Variants in IL1RAPL1 observed in about 807,000 individuals in gnomAD.
The protein encoded by IL1RAPL1 is interleukin 1 receptor accessory protein like 1.
IL1RAPL1 carries 3 observed loss-of-function variants against 48.4 expected under a neutral mutation model. The ratio of observed to expected loss-of-function variants is 0.06; its 90% CI spans 0.03 to 0.16. IL1RAPL1 has a LOEUF of 0.16. Among genes scored for constraint, IL1RAPL1 ranks in the 10% least tolerant of loss-of-function variants. IL1RAPL1 has a pLI of 1.00. For synonymous variants in IL1RAPL1, 185 were observed against 187.7 expected (o/e 0.99, Z 0.12); for missense variants, 349 against 530.6 (o/e 0.66, Z 3.36).
intron 6 of IL1RAPL1, among the ~76,000 whole-genome samples, chrX:29,855,192 G>A (rs1257928360): frequency 8.9e-6 from 1 of 111,779 alleles, no homozygotes; most frequent in African/African-American, 3.3e-5. Flanking sequence ...ATTTCTCTCA[G>A]TAGAAAGAGT....
chrX:28,958,028 G>A (rs1464588432), intron 2 of IL1RAPL1, among the ~76,000 whole-genome samples: 2 of 110,984 alleles, frequency 1.8e-5, no homozygotes, highest in Non-Finnish European at 3.8e-5. Flanking sequence ...TATTTATTGT[G>A]GACAACACGA....
intron 1 of IL1RAPL1, among the ~76,000 whole-genome samples, chrX:28,671,265 T>G (rs918137704): frequency 8.9e-6 from 1 of 112,081 alleles, no homozygotes; most frequent in Non-Finnish European, 1.9e-5. Context: ...TCCAACACAC[T>G]TGCCAGCTAA....
At chrX:29,645,905 A>G (rs931865438) in intron 5 of IL1RAPL1, among the ~76,000 whole-genome samples, 4 of 112,262 alleles carry the variant, frequency 3.6e-5, no homozygotes, top group Non-Finnish European at 5.6e-5. Context: ...GCTCAAGGGC[A>G]TAGGAACCAT....
intron 6 of IL1RAPL1, among the ~76,000 whole-genome samples, chrX:29,838,602 A>G (rs184779690): frequency 7.1e-5 from 8 of 111,932 alleles, no homozygotes; most frequent in Admixed American, 1.9e-4. Flanking sequence ...ACAAACTGCC[A>G]TGACTTATAC....
At chrX:29,311,236 A>G (rs1932719738) in intron 3 of IL1RAPL1, among the ~76,000 whole-genome samples, 1 of 112,353 alleles carries the variant, frequency 8.9e-6, no homozygotes, top group African/African-American at 3.2e-5. Flanking sequence ...TACTCAATAA[A>G]TGAACATTAC....
intron 2 of IL1RAPL1, among the ~76,000 whole-genome samples, chrX:28,886,105 C>G (rs959922481): frequency 9.1e-6 from 1 of 110,279 alleles, no homozygotes; most frequent in Non-Finnish European, 1.9e-5. Flanking sequence ...ATGATACTTA[C>G]AATACCAAAA....
chrX:28,933,988 C>T (rs1026749099), intron 2 of IL1RAPL1, among the ~76,000 whole-genome samples: 2 of 111,407 alleles, frequency 1.8e-5, no homozygotes, highest in Non-Finnish European at 3.8e-5. Context: ...AAGTCATTTT[C>T]ATTGCCATCT....
At chrX:28,714,044 A>G (rs971231217) in intron 1 of IL1RAPL1, among the ~76,000 whole-genome samples, 3 of 111,886 alleles carry the variant, frequency 2.7e-5, no homozygotes, top group African/African-American at 9.7e-5. Context: ...AAATAGGTCA[A>G]TGTTATCATT....
At chrX:28,892,993 C>T (rs893137381) in intron 2 of IL1RAPL1, among the ~76,000 whole-genome samples, 2 of 111,001 alleles carry the variant, frequency 1.8e-5, no homozygotes, top group Admixed American at 1.9e-4. Context: ...TTAAGAGTGG[C>T]GGTTTGGGGA....
At chrX:29,105,895 C>T (rs1201468531) in intron 2 of IL1RAPL1, among the ~76,000 whole-genome samples, 1 of 111,860 alleles carries the variant, frequency 8.9e-6, no homozygotes, top group African/African-American at 3.2e-5. Context: ...CACACCCTTA[C>T]AGCCTCACAT....
At chrX:28,761,404 T>C (rs1936170155) in intron 1 of IL1RAPL1, among the ~76,000 whole-genome samples, 2 of 112,091 alleles carry the variant, frequency 1.8e-5, no homozygotes, top group African/African-American at 6.5e-5. Flanking sequence ...TGGAATACTA[T>C]GGAGCCATAA....
intron 2 of IL1RAPL1, among the ~76,000 whole-genome samples, chrX:28,928,989 A>G (rs1043270193): frequency 2.2e-4 from 25 of 111,978 alleles, no homozygotes; most frequent in Admixed American, 7.6e-4. Flanking sequence ...GGGACTACCA[A>G]AGTTACTCCT....
chrX:29,485,642 A>G (rs765115492), intron 5 of IL1RAPL1, among the ~76,000 whole-genome samples: 3 of 111,242 alleles, frequency 2.7e-5, no homozygotes, highest in African/African-American at 9.8e-5. Context: ...CTTTCATGCT[A>G]TATGTACCAC....
intron 2 of IL1RAPL1, among the ~76,000 whole-genome samples, chrX:29,275,811 C>T (rs969155183): frequency 4.5e-5 from 5 of 112,119 alleles, no homozygotes; most frequent in African/African-American, 1.6e-4. Flanking sequence ...AGTTGCACAT[C>T]ATATGCGGTC....
intron 2 of IL1RAPL1, among the ~76,000 whole-genome samples, chrX:28,866,587 T>C (rs73631614): frequency 0.076 from 8,504 of 111,697 alleles, 650 homozygotes; most frequent in East Asian, 0.24. Context: ...ATGGAATCCA[T>C]TGCACTAGTG....
At chrX:29,041,306 A>G (rs1354581388) in intron 2 of IL1RAPL1, among the ~76,000 whole-genome samples, 1 of 111,571 alleles carries the variant, frequency 9.0e-6, no homozygotes, top group Non-Finnish European at 1.9e-5. Context: ...ATTTACTCTC[A>G]ACTTTATTGC....
intron 2 of IL1RAPL1, among the ~76,000 whole-genome samples, chrX:28,976,527 A>G (rs1213018538): frequency 3.6e-5 from 4 of 111,878 alleles, no homozygotes; most frequent in Non-Finnish European, 7.5e-5. Flanking sequence ...TCAGGAATTC[A>G]GTTTTTGACA....
Position 29,905,093 on chromosome X carries a change from T to C in IL1RAPL1, c.779-12371T>C, listed in dbSNP as rs777361336. On this transcript the variant is annotated intron_variant, in intron 6 of 10. Transcript: ENST00000378993. ...AATGGTGTGAGATGGTATCTCATTG[T>C]GGTTTTGATTTGCATTTCTCTAATG... 3.6e-5 allele frequency among the ~76,000 whole-genome samples: 4 copies of C among 112,481 alleles called. No homozygotes were observed. In the South Asian group the frequency reaches 1.5e-3, roughly 41 times the overall value.
intron 5 of IL1RAPL1, among the ~76,000 whole-genome samples, chrX:29,548,671 T>C (rs1921708178): frequency 8.9e-6 from 1 of 112,149 alleles, no homozygotes; most frequent in East Asian, 2.8e-4. Flanking sequence ...TGATTGCATT[T>C]TCTCCACTAA....
Sources: allele counts gnomAD v4.1 joint callset (sites outside exome capture counted in the v4.1 genomes callset), GRCh38; gene constraint gnomAD v4.1.1; transcripts MANE v1.5; gene names NCBI Gene and HGNC (gene_info 2026-07-23, HGNC 2026-07-21).